The following USP10 variants were observed in gnomAD, a reference collection of about 807,000 sequenced individuals.
USP10 encodes the protein ubiquitin specific peptidase 10.
USP10 carries 22 observed loss-of-function variants against 84.5 expected under a neutral mutation model. That is an observed-to-expected ratio of 0.26 (90% CI 0.19 to 0.37). USP10 has a LOEUF of 0.37. Among genes scored for constraint, USP10 ranks in the 10% least tolerant of loss-of-function variants. The pLI, the probability that USP10 is intolerant of heterozygous loss-of-function variation, is 1.00. For missense variants in USP10, 1,019 were observed against 998.9 expected (o/e 1.02, Z -0.27); for synonymous variants, 454 against 387.6 (o/e 1.17, Z -2.01).
chr16:84,755,757 C>T (rs1347507612), intron 4 of USP10, among the ~76,000 whole-genome samples: 1 of 150,164 alleles, frequency 6.7e-6, no homozygotes, highest in Non-Finnish European at 1.5e-5. Context: ...AGGATGGTGC[C>T]ACTGCATTCC....
intron 1 of USP10, among the ~76,000 whole-genome samples, chr16:84,711,719 C>CTTTTTTT (rs10706586): frequency 8.8e-5 from 10 of 114,274 alleles, no homozygotes; most frequent in African/African-American, 1.5e-4. Flanking sequence ...GAAGGGCTAG[C>CTTTTTTT]TTTTTTTTTT....
intron 1 of USP10, chr16:84,732,554 C>A: frequency 2.8e-6 from 1 of 358,558 alleles, no homozygotes. Flanking sequence ...TCAAGCAATT[C>A]TCCTGGCTCA....
chr16:84,720,600 G>C (rs1413859916), intron 1 of USP10, among the ~76,000 whole-genome samples: 1 of 11,092 alleles, frequency 9.0e-5, no homozygotes, highest in Non-Finnish European at 1.5e-4. Context: ...TTTTTTTTTT[G>C]AGATGGAGCC....
chr16:84,727,176 G>T (rs540095067), intron 1 of USP10, among the ~76,000 whole-genome samples: 1 of 152,146 alleles, frequency 6.6e-6, no homozygotes, highest in Admixed American at 6.5e-5. Context: ...TTAGTCTCCC[G>T]TGTGAACTGA....
intron 11 of USP10, among the ~76,000 whole-genome samples, chr16:84,771,799 C>T (rs770283852): frequency 6.6e-5 from 10 of 152,158 alleles, no homozygotes; most frequent in South Asian, 2.1e-4. Context: ...ACCCGGGAGA[C>T]GGATGTTGCA....
At chr16:84,733,592 T>A in intron 2 of USP10, 89 bp downstream of exon 2, 2 of 1,001,798 alleles carry the variant, frequency 2.0e-6, no homozygotes, top group Non-Finnish European at 2.9e-6. Flanking sequence ...AAATAAAGAA[T>A]TCCAATGTAG....
At chr16:84,772,343 C>T (rs1464705273) in intron 11 of USP10, among the ~76,000 whole-genome samples, 198 bp from the exon 12 acceptor site, 1 of 152,184 alleles carries the variant, frequency 6.6e-6, no homozygotes, top group Non-Finnish European at 1.5e-5. Context: ...TGAGCCACTG[C>T]ATCTGGGTAT....
Position 84,764,279 on chromosome 16 carries a change from G to C in USP10, c.1832+16G>C, listed in dbSNP as rs753206149. Reference sequence around the variant, plus strand: ...GACACATCAGGTTTGTGCTTTTCTGGAATAACTTAATATTTGCCTTTTCTA... The same window carrying C: ...GACACATCAGGTTTGTGCTTTTCTGCAATAACTTAATATTTGCCTTTTCTA... On this transcript the variant is annotated intron_variant, in intron 10 of 13. Transcript: ENST00000219473. 1 of 1,613,850 alleles carries C rather than the reference G, an allele frequency of 6.2e-7. No individual in the cohort carries two copies. Among genetic ancestry groups the C allele is most frequent in the Non-Finnish European group, 8.5e-7 (1 of 1,179,884 alleles).
intron 1 of USP10, among the ~76,000 whole-genome samples, chr16:84,722,940 T>A (rs1907998355): frequency 6.6e-6 from 1 of 152,158 alleles, no homozygotes. Flanking sequence ...GACAGCAAAG[T>A]GAAACTGAGT....
Position 84,763,084 on chromosome 16 carries a change from T to C in USP10, c.1650T>C (p.Asn550=). ...LNLKKLLSPS[N]EKLTISNGPK... ...TAAAGAAGCTTCTCTCACCAAGTAA[T>C]GAAAGTAGGTTATGGTCCACTTGCC... is the stretch of plus-strand genomic sequence containing the variant. The change falls in exon 9 of 14, where the codon AAT becomes AAC. Residue 550 remains asparagine (N), a synonymous_variant. Coordinates refer to ENST00000219473, the MANE Select transcript of USP10 (RefSeq NM_005153.3). 1 of 1,607,888 alleles carries C rather than the reference T, an allele frequency of 6.2e-7. No homozygotes were observed. The highest frequency in any genetic ancestry group is 8.5e-7 in the Non-Finnish European group (1 of 1,174,750).
intron 12 of USP10, among the ~76,000 whole-genome samples, chr16:84,774,646 A>G (rs1914800672): frequency 6.6e-6 from 1 of 151,466 alleles, no homozygotes; most frequent in African/African-American, 2.4e-5. Context: ...AATTTTTTGT[A>G]TTTTTAATAG....
chr16:84,729,818 G>A (rs1249385480), intron 1 of USP10, among the ~76,000 whole-genome samples: 3 of 152,168 alleles, frequency 2.0e-5, no homozygotes, highest in Non-Finnish European at 4.4e-5. Context: ...GTTCAAAACA[G>A]CCGTGGCTAG....
chr16:84,762,353 G>T lies in USP10; in HGVS notation c.1555-636G>T, dbSNP rs79486046. Among the ~76,000 whole-genome samples, 574 of 152,262 alleles carry T rather than the reference G, an allele frequency of 3.8e-3. 3 individuals carry two copies. Among genetic ancestry groups the T allele is most frequent in the African/African-American group, 0.013 (553 of 41,548 alleles). The stretch of plus-strand genomic sequence containing the variant: ...CATCTAGTTCTTCGTCTTCTATTTT[G>T]TTTACCCAAGACAGAAACTTTTTTT... On this transcript the variant is annotated intron_variant, in intron 8 of 13. Transcript: ENST00000219473.
intron 1 of USP10, among the ~76,000 whole-genome samples, chr16:84,706,015 C>G (rs1302517441): frequency 1.3e-5 from 2 of 152,062 alleles, no homozygotes; most frequent in Admixed American, 6.6e-5. Context: ...AGCCACTGCC[C>G]CCAGCATCCC....
At chr16:84,750,866 A>G (rs1354989751) in intron 4 of USP10, among the ~76,000 whole-genome samples, 2 of 152,208 alleles carry the variant, frequency 1.3e-5, no homozygotes, top group Non-Finnish European at 2.9e-5. Flanking sequence ...GTATCTAGCA[A>G]TGTCATTTAT....
chr16:84,704,439 C>G (rs759225092), intron 1 of USP10, among the ~76,000 whole-genome samples: 1 of 152,234 alleles, frequency 6.6e-6, no homozygotes, highest in Non-Finnish European at 1.5e-5. Context: ...CATTGGATTA[C>G]TGTCATTTGT....
intron 1 of USP10, among the ~76,000 whole-genome samples, chr16:84,705,084 A>G (rs1034014408): frequency 2.6e-5 from 4 of 152,164 alleles, no homozygotes; most frequent in East Asian, 1.9e-4. Context: ...CTTCGGATCC[A>G]TTCTCAGTTT....
chr16:84,767,062 A>G (rs1049503003), intron 10 of USP10, among the ~76,000 whole-genome samples: 1 of 152,148 alleles, frequency 6.6e-6, no homozygotes, highest in Non-Finnish European at 1.5e-5. Context: ...CCTCTCCAGA[A>G]CCAGGGGAAC....
At chr16:84,768,846 C>G (rs772783259) in intron 11 of USP10, among the ~76,000 whole-genome samples, 2 of 152,174 alleles carry the variant, frequency 1.3e-5, no homozygotes, top group South Asian at 2.1e-4. Context: ...GCTTGTTACT[C>G]TTTGATTTGA....
Sources: gnomAD v4.1 joint callset for allele counts (sites outside exome capture counted in the v4.1 genomes callset) on GRCh38, gnomAD v4.1.1 for gene constraint, MANE v1.5 for transcripts, NCBI Gene and HGNC (gene_info 2026-07-23, HGNC 2026-07-21) for gene names.